The following ACOT11 variants were observed in gnomAD, a reference collection of about 807,000 sequenced individuals.
ACOT11 encodes acyl-coenzyme A thioesterase 11.
ACOT11 carries 69 observed loss-of-function variants against 77.5 expected under a neutral mutation model. That is an observed-to-expected ratio of 0.89 (90% CI 0.73 to 1.09). ACOT11 has a LOEUF of 1.09. Among genes scored for constraint, ACOT11 ranks in the 50% least tolerant of loss-of-function variants. The probability of loss-of-function intolerance (pLI) is 0.00; values close to 1 mark genes in which losing one functional copy is unlikely to be tolerated. For missense variants in ACOT11, 766 were observed against 813.7 expected (o/e 0.94, Z 0.71); for synonymous variants, 279 against 313.0 (o/e 0.89, Z 1.15).
chr1:54,619,224 T>G (rs1248081146), intron 15 of ACOT11, among the ~76,000 whole-genome samples: 1 of 152,216 alleles, frequency 6.6e-6, no homozygotes, highest in Non-Finnish European at 1.5e-5. Flanking sequence ...GCTACTGCTT[T>G]AAAGTTCACT....
chr1:54,627,935 G>A (rs1362383485), intron 15 of ACOT11, among the ~76,000 whole-genome samples: 3 of 133,070 alleles, frequency 2.3e-5, no homozygotes, highest in South Asian at 2.5e-4. Context: ...GTGGGGAGGC[G>A]GAGGGGGAGA....
chr1:54,597,446 C>T (rs774057335), intron 7 of ACOT11, 31 bp downstream of exon 7: 2 of 1,566,608 alleles, frequency 1.3e-6, no homozygotes, highest in South Asian at 2.4e-5. Flanking sequence ...CTCTGCCTCC[C>T]CTCCTTTCTC....
In ACOT11 at chr1:54,593,957, C is replaced by A; in HGVS notation, c.389C>A (p.Ala130Asp). The A allele has an allele frequency of 6.2e-7, 1 of 1,614,102 alleles. No individual in the cohort carries two copies. The highest frequency in any genetic ancestry group is 8.5e-7 in the Non-Finnish European group (1 of 1,179,964). Reference sequence around the variant, plus strand: ...CCTCTCCAGGTGGGCATCCAGGTGGCCTCGGAGGACCTGTGCTCTGAGAAG... The same window carrying A: ...CCTCTCCAGGTGGGCATCCAGGTGGACTCGGAGGACCTGTGCTCTGAGAAG... ...NSSMEVGIQVASEDLCSEKQW... is the reference protein window; with the variant it reads ...NSSMEVGIQVDSEDLCSEKQW... The change falls in exon 5 of 16, where the codon GCC becomes GAC. Residue 130 changes from alanine to aspartate, a missense_variant. Physicochemically the swap from Ala to Asp is moderately radical, Grantham distance 126. Coordinates refer to ENST00000343744, the MANE Select transcript of ACOT11 (RefSeq NM_147161.4).
downstream of ACOT11, chr1:54,611,745 C>T: frequency 1.2e-6 from 2 of 1,613,972 alleles, no homozygotes; most frequent in Admixed American, 1.7e-5. Flanking sequence ...TCAGGCTGTA[C>T]CTGGGGACAC....
At chr1:54,597,577 C>T in intron 7 of ACOT11, 162 bp downstream of exon 7, 1 of 888,854 alleles carries the variant, frequency 1.1e-6, no homozygotes, top group Non-Finnish European at 1.7e-6. Flanking sequence ...ACTGACCATT[C>T]CTTGTTCTAC....
At chr1:54,571,071 C>CTCTCTT (rs779276330) in intron 1 of ACOT11, among the ~76,000 whole-genome samples, 1 of 141,830 alleles carries the variant, frequency 7.1e-6, no homozygotes, top group African/African-American at 2.6e-5. Flanking sequence ...TTCTCTCTCT[C>CTCTCTT]TTTTTTTTTT....
At chr1:54,604,276 C>T in intron 11 of ACOT11, 70 bp from the exon 12 acceptor site, 1 of 1,460,160 alleles carries the variant, frequency 6.8e-7, no homozygotes, top group Non-Finnish European at 9.5e-7. Flanking sequence ...CTCTGGCACA[C>T]CCTTGGCCTT....
chr1:54,579,881 C>T (rs1481684955), intron 1 of ACOT11, among the ~76,000 whole-genome samples: 1 of 152,228 alleles, frequency 6.6e-6, no homozygotes, highest in African/African-American at 2.4e-5. Flanking sequence ...TGCTGTGAGA[C>T]TCTGGAGAGC....
chr1:54,564,001 G>T (rs376695314), intron 1 of ACOT11, among the ~76,000 whole-genome samples: 1 of 151,788 alleles, frequency 6.6e-6, no homozygotes, highest in Non-Finnish European at 1.5e-5. Context: ...AGAAGGCGGA[G>T]GTTGCAGTGA....
At chr1:54,555,043 C>T (rs1653213480) in intron 1 of ACOT11, among the ~76,000 whole-genome samples, 1 of 152,188 alleles carries the variant, frequency 6.6e-6, no homozygotes, top group South Asian at 2.1e-4. Flanking sequence ...ACTGCAACCT[C>T]CGCCTCCCGG....
intron 1 of ACOT11, among the ~76,000 whole-genome samples, chr1:54,568,979 C>G (rs1170519199): frequency 2.0e-5 from 3 of 151,950 alleles, no homozygotes; most frequent in Admixed American, 6.6e-5. Context: ...GGCATGGTGG[C>G]ACCCGTCTGT....
chr1:54,631,549 C>T (rs915661839), intron 16 of ACOT11, among the ~76,000 whole-genome samples: 1 of 152,116 alleles, frequency 6.6e-6, no homozygotes, highest in Non-Finnish European at 1.5e-5. Flanking sequence ...TCGCAATGCC[C>T]AGGTCCAACC....
exon 17 of ACOT11, chr1:54,638,468 G>A (rs1644342960): frequency 1.3e-5 from 2 of 152,156 alleles, no homozygotes; most frequent in South Asian, 4.1e-4. Context: ...GGCAATTCTT[G>A]TGTCTCAGCC....
chr1:54,572,905 G>A, intron 1 of ACOT11: 2 of 985,016 alleles, frequency 2.0e-6, no homozygotes, highest in Non-Finnish European at 2.4e-6. Context: ...TGAACCTGAG[G>A]TTTCCTCCCA....
rs1268886187 is a variant in ACOT11, at chr1:54,617,474, A to G, written c.1629+9406A>G. Among the ~76,000 whole-genome samples the G allele has an allele frequency of 4.6e-5, 7 of 151,928 alleles. No homozygotes were observed. The East Asian group carries it at 1.4e-3, about 29-fold the overall frequency. Reference sequence around the variant, plus strand: ...GTCACTTTCTGTTAAAAAAAAAAAAAAAAAGGCCAGAAAACCTACCCATTG... The same window carrying G: ...GTCACTTTCTGTTAAAAAAAAAAAAGAAAAGGCCAGAAAACCTACCCATTG... On this transcript the variant is annotated intron_variant, in intron 15 of 16. Transcript: ENST00000371316.
At chr1:54,618,672 G>T (rs925514686) in intron 15 of ACOT11, among the ~76,000 whole-genome samples, 7 of 152,118 alleles carry the variant, frequency 4.6e-5, no homozygotes, top group Non-Finnish European at 1.0e-4. Flanking sequence ...TGGTCCTCAG[G>T]AAGCCATATT....
intron 1 of ACOT11, chr1:54,548,603 C>T (rs922965937): frequency 3.5e-6 from 2 of 567,916 alleles, no homozygotes; most frequent in Non-Finnish European, 6.3e-6. Context: ...AAGTGTCGGC[C>T]TCTGGAATTC....
rs1644102149 is a variant in ACOT11, at chr1:54,610,220, G to A, written c.*1108G>A. On this transcript the variant is annotated 3_prime_UTR_variant, in exon 16 of 16. Coordinates refer to ENST00000343744, the MANE Select transcript of ACOT11 (RefSeq NM_147161.4). ...CAATGTAGCTGAGGACTGGTCTGAA[G>A]GCCAGGAGCCCTGTGCTCTTGACAT... 1.4e-6 allele frequency: 2 copies of A among 1,437,348 alleles called. No individual in the cohort carries two copies. The highest frequency in any genetic ancestry group is 2.5e-5 in the East Asian group (1 of 40,058). The allele number at this position is 1,437,348 out of a possible 1,614,324, so 89.0% of individuals were successfully genotyped here. A position where few individuals can be genotyped will look rare whatever the true frequency, so the allele number is the denominator to read the frequency against.
rs1644076533 is a variant in ACOT11, at chr1:54,609,109, C to G, written c.1782C>G (p.Leu594=). Reference sequence around the variant, plus strand: ...ATCTGGCCCCCAGCCTCCAGACCCTCTAGATGCCCTCAGTGGCCACATCAT... The same window carrying G: ...ATCTGGCCCCCAGCCTCCAGACCCTGTAGATGCCCTCAGTGGCCACATCAT... ...RNDLAPSLQT[L] is the part of the protein sequence containing the mutation. Residue 594 remains leucine (L), a synonymous_variant, in exon 16 of 16, where the codon CTC becomes CTG. Transcript: ENST00000343744. The G allele has an allele frequency of 6.2e-7, 1 of 1,614,098 alleles. No individual in the cohort carries two copies. Among genetic ancestry groups the G allele is most frequent in the Non-Finnish European group, 8.5e-7 (1 of 1,179,992 alleles).
Sources: gnomAD v4.1 joint callset for allele counts (sites outside exome capture counted in the v4.1 genomes callset) on GRCh38, gnomAD v4.1.1 for gene constraint, MANE v1.5 for transcripts, NCBI Gene and HGNC (gene_info 2026-07-23, HGNC 2026-07-21) for gene names.